The following SLC5A4 variants were observed in gnomAD, a reference collection of about 807,000 sequenced individuals.
SLC5A4 encodes probable glucose sensor protein SLC5A4.
A neutral mutation model predicts 70.3 loss-of-function variants in SLC5A4; 55 were observed. The observed-to-expected ratio is 0.78, with a 90% CI of 0.63 to 0.98. SLC5A4 has a LOEUF of 0.98. SLC5A4 is among the 50% of genes least tolerant of loss of function. SLC5A4 has a pLI of 0.00. For missense variants in SLC5A4, 735 were observed against 839.2 expected, an observed-to-expected ratio of 0.88 and a Z score of 1.53; for synonymous variants, 268 against 305.7, an observed-to-expected ratio of 0.88 and a Z score of 1.29.
chr22:32,330,413 G>C, the SLC5A4 span, among the ~76,000 whole-genome samples: 1 of 120,438 alleles, frequency 8.3e-6, no homozygotes, highest in Non-Finnish European at 1.7e-5. Flanking sequence ...TGGTGTGTTG[G>C]GGGGCTCTGG....
At chr22:32,298,667 ATTG>A in the SLC5A4 span, among the ~76,000 whole-genome samples, 4 of 70,444 alleles carry the variant, frequency 5.7e-5, no homozygotes, top group Non-Finnish European at 8.5e-5. Flanking sequence ...TAAAGTTAAT[ATTG>A]TTATGTGTGA....
At chr22:32,267,464 T>G in the SLC5A4 span, among the ~76,000 whole-genome samples, 4 of 152,182 alleles carry the variant, frequency 2.6e-5, no homozygotes, top group African/African-American at 9.7e-5. Flanking sequence ...TGTTATCATT[T>G]CAGCATGAAA....
chr22:32,330,687 GTGTGTTGGGGGCTCTGTGTGTA>G, the SLC5A4 span, among the ~76,000 whole-genome samples: 1 of 100,406 alleles, frequency 1.0e-5, no homozygotes, highest in Non-Finnish European at 1.9e-5. Context: ...GCTCTGGTGT[GTGTGTTGGGGGCTCTGTGTGTA>G]TTGGGGGCTC....
Position 32,255,261 on chromosome 22 carries a change from G to A in SLC5A4, c.69C>T (p.Ile23=). The A allele has an allele frequency of 1.2e-6, 2 of 1,614,080 alleles. No homozygotes were observed. Among genetic ancestry groups the A allele is most frequent in the Non-Finnish European group, 1.7e-6 (2 of 1,179,968 alleles). ...TGACTGAGATGTCAGCAGCATTTCG[G>A]ATGTGGTCAGACAATGGAGGTGGCT... ...TPEPPPLSDH[I]RNAADISVIV... Residue 23 remains isoleucine, a synonymous_variant, in exon 1 of 15, where the codon ATC becomes ATT. Transcript: ENST00000266086.
the SLC5A4 span, among the ~76,000 whole-genome samples, chr22:32,320,478 G>T: frequency 6.6e-6 from 1 of 152,194 alleles, no homozygotes; most frequent in Non-Finnish European, 1.5e-5. Context: ...CAGGATGCCA[G>T]GTCAAAAACA....
chr22:32,349,716 T>C, the SLC5A4 span, among the ~76,000 whole-genome samples: 3 of 152,244 alleles, frequency 2.0e-5, no homozygotes, highest in Non-Finnish European at 4.4e-5. Flanking sequence ...GCCAGTTAAT[T>C]AGAACTCCTT....
the SLC5A4 span, among the ~76,000 whole-genome samples, chr22:32,300,258 C>T: frequency 1.4e-5 from 2 of 147,660 alleles, no homozygotes; most frequent in East Asian, 4.0e-4. Flanking sequence ...CCAAGCCTCG[C>T]TGCTGCCTTG....
the SLC5A4 span, among the ~76,000 whole-genome samples, chr22:32,277,899 A>G: frequency 2.6e-3 from 401 of 152,278 alleles, 4 homozygotes; most frequent in African/African-American, 9.5e-3. Context: ...AATCTCAAAG[A>G]AAGTCTATCT....
the SLC5A4 span, among the ~76,000 whole-genome samples, chr22:32,313,404 A>G: frequency 2.6e-5 from 4 of 152,224 alleles, no homozygotes; most frequent in Admixed American, 2.6e-4. Flanking sequence ...ACTAAATATT[A>G]AACACAGATA....
At chr22:32,280,951 G>A in the SLC5A4 span, among the ~76,000 whole-genome samples, 8 of 152,114 alleles carry the variant, frequency 5.3e-5, no homozygotes, top group South Asian at 4.2e-4. Flanking sequence ...CCTGGGGGAC[G>A]CCTTTCTTCT....
At chr22:32,303,739 C>T in the SLC5A4 span, among the ~76,000 whole-genome samples, 3 of 152,166 alleles carry the variant, frequency 2.0e-5, no homozygotes, top group Non-Finnish European at 4.4e-5. Context: ...CAAGTTTCGG[C>T]AATTATGAAT....
At chr22:32,330,980 T>A in the SLC5A4 span, among the ~76,000 whole-genome samples, 2 of 115,528 alleles carry the variant, frequency 1.7e-5, no homozygotes, top group Non-Finnish European at 3.7e-5. Context: ...CACTGGTGTG[T>A]GTGTTGGGGG....
chr22:32,339,575 G>T, the SLC5A4 span, among the ~76,000 whole-genome samples: 1 of 152,004 alleles, frequency 6.6e-6, no homozygotes, highest in African/African-American at 2.4e-5. Context: ...CTGTTCCGCC[G>T]GGCCCTCCTC....
chr22:32,347,783 C>A, the SLC5A4 span, among the ~76,000 whole-genome samples: 1 of 151,454 alleles, frequency 6.6e-6, no homozygotes, highest in Non-Finnish European at 1.5e-5. Flanking sequence ...TGCAGCACAC[C>A]AACATGGTAC....
At chr22:32,302,303 AT>A in the SLC5A4 span, among the ~76,000 whole-genome samples, 71,507 of 148,738 alleles carry the variant, frequency 0.48, 17,277 homozygotes, top group Admixed American at 0.52. Context: ...GTGGTTTGAA[AT>A]TTTTTTTTTA....
At chr22:32,302,473 G>A in the SLC5A4 span, among the ~76,000 whole-genome samples, 1 of 152,006 alleles carries the variant, frequency 6.6e-6, no homozygotes, top group Admixed American at 6.6e-5. Flanking sequence ...TTCTACTTTA[G>A]TATTATTTTT....
the SLC5A4 span, among the ~76,000 whole-genome samples, chr22:32,337,885 G>A: frequency 1.3e-5 from 2 of 150,898 alleles, no homozygotes. Context: ...GAACTAAGAA[G>A]TGATACATTT....
intron 5 of SLC5A4, 45 bp from the exon 6 acceptor site, chr22:32,239,135 G>C: frequency 3.5e-6 from 5 of 1,409,128 alleles, no homozygotes; most frequent in Non-Finnish European, 5.0e-6. Context: ...TGCATTTGAG[G>C]CCACTGGCTT....
At chr22:32,312,702 T>A in the SLC5A4 span, among the ~76,000 whole-genome samples, 7 of 151,856 alleles carry the variant, frequency 4.6e-5, no homozygotes, top group Non-Finnish European at 1.0e-4. Context: ...ACAGGCAGCA[T>A]TCCCTTCTCT....
Sources: gnomAD v4.1 joint callset for allele counts (sites outside exome capture counted in the v4.1 genomes callset) on GRCh38, gnomAD v4.1.1 for gene constraint, MANE v1.5 for transcripts, NCBI Gene and HGNC (gene_info 2026-07-23, HGNC 2026-07-21) for gene names.